Variants in CRY2 observed in about 807,000 individuals in gnomAD.
CRY2 encodes the protein cryptochrome circadian regulator 2.
A neutral mutation model predicts 69.5 loss-of-function variants in CRY2; 31 were observed. That is an observed-to-expected ratio of 0.45 (90% CI 0.34 to 0.60). The LOEUF (loss-of-function observed/expected upper bound fraction) is 0.60. Ranked by LOEUF, CRY2 falls within the 20% of genes least tolerant of loss-of-function variation. CRY2 has a pLI of 0.02. For synonymous variants in CRY2, 303 were observed against 312.2 expected (o/e 0.97, Z 0.31); for missense variants, 606 against 797.8 (o/e 0.76, Z 2.90).
intron 11 of CRY2, among the ~76,000 whole-genome samples, chr11:45,875,361 T>C (rs2086417269): frequency 6.6e-6 from 1 of 152,188 alleles, no homozygotes; most frequent in Non-Finnish European, 1.5e-5. Context: ...ATGTACTCTT[T>C]GGGAGTGAAG....
chr11:45,876,013 A>G (rs1431060547), intron 11 of CRY2, among the ~76,000 whole-genome samples: 4 of 152,204 alleles, frequency 2.6e-5, no homozygotes. Context: ...AGCTGTGGCT[A>G]TGTAGCCCAA....
chr11:45,861,069 C>G lies in CRY2; in HGVS notation c.652+37C>G, dbSNP rs773772751. The G allele has an allele frequency of 8.3e-6, 13 of 1,568,568 alleles. No homozygotes were observed. The Middle Eastern group carries it at 9.5e-4, about 114-fold the overall frequency. ...CTGCCCAGAGCCACTTGTGCTGGTGCCTGCTTTTGTGTAAAGAAATTCTTT... is the reference window on the plus strand; with the variant it reads ...CTGCCCAGAGCCACTTGTGCTGGTGGCTGCTTTTGTGTAAAGAAATTCTTT... On this transcript the variant is annotated intron_variant, in intron 4 of 11. Transcript: ENST00000616080.
intron 4 of CRY2, chr11:45,861,563 TCCTGAGTAGCTGGGACTACAGGCG>T (rs1233200473): frequency 5.8e-6 from 1 of 171,630 alleles, no homozygotes; most frequent in African/African-American, 2.4e-5. Context: ...TGCCCCAGCC[TCCTGAGTAGCTGGGACTACAGGCG>T]CCTGCCATCA....
chr11:45,855,510 C>T (rs759577605), intron 1 of CRY2, among the ~76,000 whole-genome samples: 2 of 152,266 alleles, frequency 1.3e-5, no homozygotes, highest in African/African-American at 4.8e-5. Flanking sequence ...TCACAACAAC[C>T]TCATGCTGGG....
intron 10 of CRY2, 84 bp downstream of exon 10, chr11:45,871,018 C>A: frequency 1.7e-6 from 2 of 1,188,888 alleles, no homozygotes; most frequent in Non-Finnish European, 1.2e-6. Context: ...CAGAAGGAGG[C>A]CTTGCCCAGT....
chr11:45,880,433 A>G (rs945745129), intron 11 of CRY2, among the ~76,000 whole-genome samples: 1 of 151,934 alleles, frequency 6.6e-6, no homozygotes, highest in African/African-American at 2.4e-5. Context: ...GCTTTCATCT[A>G]TATGTGGAAA....
chr11:45,858,643 T>C, intron 2 of CRY2, 88 bp from the exon 3 acceptor site: 1 of 1,419,298 alleles, frequency 7.0e-7, no homozygotes, highest in Non-Finnish European at 9.5e-7. Flanking sequence ...CTAGACTAGC[T>C]CTGTTCTCTC....
chr11:45,868,387 C>T (rs2086348292), intron 6 of CRY2, among the ~76,000 whole-genome samples: 1 of 152,194 alleles, frequency 6.6e-6, no homozygotes, highest in Non-Finnish European at 1.5e-5. Context: ...GCTGTGTTAC[C>T]CAGGCTAGAG....
At position 45,870,874 on chromosome 11, in the gene CRY2, G is replaced by A. The variant is rs1313372368; in HGVS notation, c.1582G>A (p.Asp528Asn). Residue 528 changes from aspartate (D) to asparagine (N), a missense_variant, in exon 10 of 12, where the codon GAC becomes AAC. By Grantham distance (23) the Asp-to-Asn change is conservative. This residue lies in a region of CRY2 where 173 missense variants were observed against 213.7 expected (regional missense o/e 0.81). Coordinates refer to ENST00000616080, the MANE Select transcript of CRY2 (RefSeq NM_021117.5). ...LLASVPSCVE[D>N]LSHPVAEPSS... The stretch of plus-strand genomic sequence containing the variant: ...GGCATCTGTCCCTTCCTGTGTGGAA[G>A]ACCTCAGTCACCCTGTGGCAGAGCC... The A allele has an allele frequency of 1.2e-6, 2 of 1,613,458 alleles. No homozygotes were observed. The highest frequency in any genetic ancestry group is 1.7e-6 in the Non-Finnish European group (2 of 1,180,038).
chr11:45,855,724 C>T (rs1445515683), intron 1 of CRY2, among the ~76,000 whole-genome samples: 2 of 152,164 alleles, frequency 1.3e-5, no homozygotes, highest in Non-Finnish European at 2.9e-5. Flanking sequence ...TTCACATTAC[C>T]GGCGAGAAAA....
intron 1 of CRY2, among the ~76,000 whole-genome samples, chr11:45,850,029 G>A (rs2086185318): frequency 2.7e-5 from 4 of 149,948 alleles, no homozygotes; most frequent in Admixed American, 2.0e-4. Context: ...TTTTTGAGAC[G>A]GGGTCCTGCT....
intron 2 of CRY2, among the ~76,000 whole-genome samples, chr11:45,857,802 A>T (rs2086253683): frequency 6.6e-6 from 1 of 152,224 alleles, no homozygotes; most frequent in African/African-American, 2.4e-5. Flanking sequence ...TAAGCATGGT[A>T]CCTGGCATAT....
At chr11:45,877,151 G>A (rs962598545) in intron 11 of CRY2, among the ~76,000 whole-genome samples, 1 of 152,238 alleles carries the variant, frequency 6.6e-6, no homozygotes, top group Admixed American at 6.5e-5. Context: ...TGTGGGAAGG[G>A]TAAAGGTGTG....
At chr11:45,857,410 T>C (rs2086249900) in intron 2 of CRY2, among the ~76,000 whole-genome samples, 1 of 152,090 alleles carries the variant, frequency 6.6e-6, no homozygotes, top group Non-Finnish European at 1.5e-5. Flanking sequence ...TTGCCTCCCT[T>C]CTCCCCTCGA....
intron 5 of CRY2, among the ~76,000 whole-genome samples, chr11:45,863,722 A>G (rs933958724): frequency 3.3e-5 from 5 of 151,714 alleles, no homozygotes; most frequent in African/African-American, 7.3e-5. Context: ...CCCTGACTCA[A>G]TGACTGTGGC....
Position 45,871,159 on chromosome 11 carries a change from T to C in CRY2, c.1642+225T>C, listed in dbSNP as rs189714810. Among the ~76,000 whole-genome samples, 793 of 147,220 alleles carry C rather than the reference T, an allele frequency of 5.4e-3. 7 individuals are homozygous for C. Among genetic ancestry groups the C allele is most frequent in the African/African-American group, 0.02 (739 of 36,704 alleles). On this transcript the variant is annotated intron_variant, in intron 10 of 11. Transcript: ENST00000616080. ...GGGACTGGGAAAGAAGGATTTCTTC[T>C]GTGTCACTTGAGATTGGAGCAGTCA... is the stretch of plus-strand genomic sequence containing the variant.
chr11:45,870,567 G>A (rs1368206733), intron 9 of CRY2, 35 bp downstream of exon 9: 2 of 1,607,972 alleles, frequency 1.2e-6, no homozygotes, highest in South Asian at 1.1e-5. Context: ...CTGAAGGGAA[G>A]GACAGCACCT....
intron 5 of CRY2, among the ~76,000 whole-genome samples, chr11:45,866,655 A>T (rs545798831): frequency 2.0e-5 from 3 of 152,176 alleles, no homozygotes; most frequent in Non-Finnish European, 4.4e-5. Context: ...GCGAAACCCC[A>T]TGTCTACTAA....
chr11:45,865,744 CA>C (rs200501896), intron 5 of CRY2, among the ~76,000 whole-genome samples: 1 of 151,656 alleles, frequency 6.6e-6, no homozygotes, highest in Non-Finnish European at 1.5e-5. Flanking sequence ...GACCCTGTCT[CA>C]AAAAAAAGGG....
Sources: allele counts gnomAD v4.1 joint callset (sites outside exome capture counted in the v4.1 genomes callset), GRCh38; gene constraint gnomAD v4.1.1; regional missense constraint gnomAD v4.1.1; transcripts MANE v1.5; gene names NCBI Gene and HGNC (gene_info 2026-07-23, HGNC 2026-07-21).